PLXNC1: variants seen among roughly 807,000 people sequenced by gnomAD.
PLXNC1 encodes the protein plexin C1, also known as plexin-C1.
In PLXNC1, 75 loss-of-function variants were observed where a neutral mutation model predicts 178.2. That is an observed-to-expected ratio of 0.42 (90% CI 0.35 to 0.51). The LOEUF is 0.51. Ranked by LOEUF, PLXNC1 falls within the 20% of genes least tolerant of loss-of-function variation. The pLI is 0.02. For synonymous variants in PLXNC1, 790 were observed against 779.9 expected, an observed-to-expected ratio of 1.01 and a Z score of -0.22; for missense variants, 1,503 against 1,984.4, an observed-to-expected ratio of 0.76 and a Z score of 4.61.
chr12:94,187,172 G>A (rs1962543863), intron 4 of PLXNC1, among the ~76,000 whole-genome samples: 1 of 84,848 alleles, frequency 1.2e-5, no homozygotes, highest in African/African-American at 4.8e-5. Context: ...GCTCAGGCAG[G>A]AAAGAGAGAG....
chr12:94,152,742 C>T (rs931767758), intron 1 of PLXNC1, among the ~76,000 whole-genome samples: 19 of 152,312 alleles, frequency 1.2e-4, no homozygotes, highest in African/African-American at 4.1e-4. Flanking sequence ...CTAGCTGGCT[C>T]TTATTTTCCG....
At chr12:94,208,211 G>T (rs1963362430) in intron 4 of PLXNC1, among the ~76,000 whole-genome samples, 1 of 152,226 alleles carries the variant, frequency 6.6e-6, no homozygotes, top group African/African-American at 2.4e-5. Context: ...TGGTTATAAT[G>T]TTGGAGAAGA....
intron 14 of PLXNC1, among the ~76,000 whole-genome samples, chr12:94,249,263 C>T (rs1174878935): frequency 6.6e-6 from 1 of 152,122 alleles, no homozygotes; most frequent in Non-Finnish European, 1.5e-5. Flanking sequence ...GACAGAGTCT[C>T]ACTTTGTTAC....
At chr12:94,204,737 C>A (rs553599002) in intron 4 of PLXNC1, among the ~76,000 whole-genome samples, 30 of 152,380 alleles carry the variant, frequency 2.0e-4, no homozygotes, top group African/African-American at 7.2e-4. Flanking sequence ...TGTGCCTTCC[C>A]TAAAAATGCA....
chr12:94,301,114 C>T, intron 28 of PLXNC1, 57 bp downstream of exon 28: 1 of 1,505,272 alleles, frequency 6.6e-7, no homozygotes, highest in East Asian at 2.3e-5. Flanking sequence ...ACATACTTGT[C>T]TTTCTGATAA....
At chr12:94,302,792 A>G (rs1170488940) in intron 28 of PLXNC1, among the ~76,000 whole-genome samples, 1 of 152,126 alleles carries the variant, frequency 6.6e-6, no homozygotes, top group Non-Finnish European at 1.5e-5. Context: ...CACTTCATAA[A>G]TCTGTCTTTG....
chr12:94,149,080 G>A lies in PLXNC1; in HGVS notation c.109G>A (p.Glu37Lys). ...GGCGGCTCCCGGCCGGGGCGCGGAC[G>A]AGCCCGTGTGGCGGTCGGAGCAAGC... Reference protein sequence around the residue: ...ALAAPGRGADEPVWRSEQAIG... With the variant: ...ALAAPGRGADKPVWRSEQAIG... The change falls in exon 1 of 31, where the codon GAG becomes AAG. Residue 37 changes from glutamate to lysine, a missense_variant. Coordinates refer to ENST00000258526, the MANE Select transcript of PLXNC1 (RefSeq NM_005761.3). The A allele has an allele frequency of 1.3e-6, 2 of 1,569,546 alleles. No individual in the cohort carries two copies. The highest frequency in any genetic ancestry group is 1.8e-5 in the Admixed American group (1 of 56,078).
At chr12:94,179,468 C>T (rs140001850) in intron 2 of PLXNC1, among the ~76,000 whole-genome samples, 3 of 152,112 alleles carry the variant, frequency 2.0e-5, no homozygotes, top group South Asian at 2.1e-4. Flanking sequence ...AGGCCAGGCA[C>T]GGTGGCTCAC....
intron 7 of PLXNC1, among the ~76,000 whole-genome samples, chr12:94,225,692 C>T (rs1206355038): frequency 6.6e-6 from 1 of 152,156 alleles, no homozygotes; most frequent in East Asian, 1.9e-4. Context: ...GACCTAGGTC[C>T]CCCAGGGAGG....
chr12:94,189,397 G>C (rs1962638430), intron 4 of PLXNC1, among the ~76,000 whole-genome samples: 1 of 152,104 alleles, frequency 6.6e-6, no homozygotes, highest in Non-Finnish European at 1.5e-5. Flanking sequence ...AGATTGTTAG[G>C]GGCAGGCGCG....
chr12:94,234,991 T>C (rs1181829119), intron 9 of PLXNC1, among the ~76,000 whole-genome samples: 4 of 152,216 alleles, frequency 2.6e-5, no homozygotes, highest in African/African-American at 4.8e-5. Context: ...CATTTTGTTT[T>C]AAAAATGTTG....
chr12:94,213,431 G>C (rs1963552120), intron 5 of PLXNC1, among the ~76,000 whole-genome samples: 2 of 152,180 alleles, frequency 1.3e-5, no homozygotes, highest in Non-Finnish European at 2.9e-5. Context: ...GCTTATGTCT[G>C]TTGGCTGCAT....
At chr12:94,222,729 A>G (rs1198299382) in intron 6 of PLXNC1, among the ~76,000 whole-genome samples, 1 of 152,188 alleles carries the variant, frequency 6.6e-6, no homozygotes, top group Non-Finnish European at 1.5e-5. Context: ...GAAAAAAAGT[A>G]TGACTTTTGC....
chr12:94,154,223 T>C (rs1961072082), intron 1 of PLXNC1, among the ~76,000 whole-genome samples: 1 of 152,174 alleles, frequency 6.6e-6, no homozygotes, highest in Non-Finnish European at 1.5e-5. Flanking sequence ...ATCATGATGA[T>C]TAGAGATGAG....
At chr12:94,269,096 C>T (rs1476885953) in intron 21 of PLXNC1, among the ~76,000 whole-genome samples, 1 of 152,060 alleles carries the variant, frequency 6.6e-6, no homozygotes, top group African/African-American at 2.4e-5. Flanking sequence ...TGAGAAAAAC[C>T]AATAACTCGT....
At chr12:94,293,594 G>A (rs777727894) in intron 23 of PLXNC1, among the ~76,000 whole-genome samples, 2 of 152,120 alleles carry the variant, frequency 1.3e-5, no homozygotes, top group Non-Finnish European at 2.9e-5. Flanking sequence ...AAGCAGAGGG[G>A]ACCAGCAAGC....
chr12:94,149,425 G>A lies in PLXNC1; in HGVS notation c.454G>A (p.Glu152Lys). Residue 152 changes from glutamate (E) to lysine (K), a missense_variant, in exon 1 of 31, where the codon GAG (glutamate) becomes AAG (lysine). By Grantham distance (56) the Glu-to-Lys change is moderately conservative. Around this residue, in one of 4 missense-constraint regions of PLXNC1, gnomAD observed 73 missense variants for 125.4 expected, o/e 0.58. Coordinates refer to ENST00000258526, the MANE Select transcript of PLXNC1 (RefSeq NM_005761.3). Reference protein sequence around the residue: ...LSRNSLRNGTEVVSCHPQGST... With the variant: ...LSRNSLRNGTKVVSCHPQGST... ...CCGCAACTCCCTGCGCAACGGCACCGAGGTGGTGTCGTGCCACCCGCAGGG... is the reference window on the plus strand; with the variant it reads ...CCGCAACTCCCTGCGCAACGGCACCAAGGTGGTGTCGTGCCACCCGCAGGG... 1.4e-6 allele frequency: 2 copies of A among 1,452,468 alleles called. No individual in the cohort carries two copies. The highest frequency in any genetic ancestry group is 1.8e-6 in the Non-Finnish European group (2 of 1,111,994). The allele number at this position is 1,452,468 out of a possible 1,614,324, so 90.0% of individuals were successfully genotyped here. A position where few individuals can be genotyped will look rare whatever the true frequency, so the allele number is the denominator to read the frequency against.
At chr12:94,169,840 CTT>C (rs1176815417) in intron 2 of PLXNC1, among the ~76,000 whole-genome samples, 4 of 152,182 alleles carry the variant, frequency 2.6e-5, no homozygotes, top group Non-Finnish European at 5.9e-5. Flanking sequence ...CTCCTCTTGA[CTT>C]TTATCTCAGA....
At chr12:94,273,979 A>G (rs1232138444) in intron 21 of PLXNC1, among the ~76,000 whole-genome samples, 2 of 151,794 alleles carry the variant, frequency 1.3e-5, no homozygotes, top group Non-Finnish European at 2.9e-5. Context: ...CATCCTAGTC[A>G]CAAGATGGCT....
Sources: allele counts gnomAD v4.1 joint callset (sites outside exome capture counted in the v4.1 genomes callset), GRCh38; gene constraint gnomAD v4.1.1; regional missense constraint gnomAD v4.1.1; transcripts MANE v1.5; gene names NCBI Gene and HGNC (gene_info 2026-07-23, HGNC 2026-07-21).